IL1RAPL1: variants seen among roughly 807,000 people sequenced by gnomAD.
The protein encoded by IL1RAPL1 is interleukin-1 receptor accessory protein-like 1.
Under a neutral mutation model 48.4 loss-of-function variants are expected in IL1RAPL1, and 3 were observed. That is an observed-to-expected ratio of 0.06 (90% CI 0.03 to 0.16). The LOEUF (loss-of-function observed/expected upper bound fraction) is 0.16, where lower values mean the gene tolerates loss of function less well. Among genes scored for constraint, IL1RAPL1 ranks in the 10% least tolerant of loss-of-function variants. IL1RAPL1 has a pLI of 1.00. For missense variants in IL1RAPL1, 349 were observed against 530.6 expected, an observed-to-expected ratio of 0.66 and a Z score of 3.36; for synonymous variants, 185 against 187.7, an observed-to-expected ratio of 0.99 and a Z score of 0.12.
rs901831303 is a variant in IL1RAPL1 at position 28,739,795 on chromosome X, T to C, written c.-24-49525T>C. On this transcript the variant is annotated intron_variant, in intron 1 of 10. Coordinates refer to ENST00000378993, the MANE Select transcript of IL1RAPL1 (RefSeq NM_014271.4). ...ATCTCTCTTTCTAGTTTTCATCCAC[T>C]CTTCATCTCCTTTCCAAGGCTTTTA... Among the ~76,000 whole-genome samples the C allele has an allele frequency of 3.6e-5, 4 of 111,475 alleles. 1 individual carries two copies. Among genetic ancestry groups the C allele is most frequent in the African/African-American group, 1.3e-4 (4 of 30,751 alleles).
At chrX:29,893,350 C>T (rs778520330) in intron 6 of IL1RAPL1, among the ~76,000 whole-genome samples, 25 of 111,101 alleles carry the variant, frequency 2.3e-4, no homozygotes, top group Non-Finnish European at 3.4e-4. Flanking sequence ...TTCGAGCCAC[C>T]GCATTTATGT....
chrX:29,415,333 G>A (rs1309718267), intron 5 of IL1RAPL1, among the ~76,000 whole-genome samples: 1 of 111,624 alleles, frequency 9.0e-6, no homozygotes, highest in African/African-American at 3.3e-5. Flanking sequence ...ATATCTACAT[G>A]CACGTGAATG....
At chrX:28,973,261 A>T (rs945480768) in intron 2 of IL1RAPL1, among the ~76,000 whole-genome samples, 8 of 112,288 alleles carry the variant, frequency 7.1e-5, no homozygotes, top group African/African-American at 2.6e-4. Flanking sequence ...TGTCCCATCA[A>T]ACATGCTCAT....
chrX:29,911,741 T>C (rs1002077684), intron 6 of IL1RAPL1, among the ~76,000 whole-genome samples: 3 of 112,138 alleles, frequency 2.7e-5, no homozygotes, highest in Non-Finnish European at 3.8e-5. Flanking sequence ...ATGGCAGCTA[T>C]AGACACGACA....
At chrX:28,992,218 C>T (rs1012840033) in intron 2 of IL1RAPL1, among the ~76,000 whole-genome samples, 25 of 111,222 alleles carry the variant, frequency 2.2e-4, no homozygotes, top group African/African-American at 6.2e-4. Flanking sequence ...GGGCTGGGTG[C>T]GGTGGCTCAC....
rs761931750 is a variant in IL1RAPL1, at chrX:29,592,022, A to T, written c.704-76408A>T. Reference sequence around the variant, plus strand: ...CCCTAGAGGATCTGATGAACGGGTGAAAACCTAAAATGGGGAAACTCACAC... The same window carrying T: ...CCCTAGAGGATCTGATGAACGGGTGTAAACCTAAAATGGGGAAACTCACAC... On this transcript the variant is annotated intron_variant, in intron 5 of 10. Transcript: ENST00000378993. Among the ~76,000 whole-genome samples the T allele has an allele frequency of 3.6e-5, 4 of 111,704 alleles. No individual in the cohort carries two copies. The East Asian group carries it at 8.5e-4, about 24-fold the overall frequency.
At chrX:28,895,474 G>T in intron 2 of IL1RAPL1, among the ~76,000 whole-genome samples, 1 of 100,319 alleles carries the variant, frequency 1.0e-5, no homozygotes, top group Non-Finnish European at 2.0e-5. Flanking sequence ...AAGGTGGGGG[G>T]ATACGAGAGG....
At chrX:28,670,267 T>G (rs1402880185) in intron 1 of IL1RAPL1, among the ~76,000 whole-genome samples, 1 of 111,802 alleles carries the variant, frequency 8.9e-6, no homozygotes, top group Non-Finnish European at 1.9e-5. Context: ...CAATACATAC[T>G]TTTGCTGACT....
At chrX:29,641,042 G>A (rs1363865034) in intron 5 of IL1RAPL1, among the ~76,000 whole-genome samples, 3 of 111,537 alleles carry the variant, frequency 2.7e-5, no homozygotes, top group East Asian at 5.6e-4. Flanking sequence ...ATGGTGGTAC[G>A]CATCTGTAGT....
intron 2 of IL1RAPL1, among the ~76,000 whole-genome samples, chrX:29,020,113 G>A (rs1237492447): frequency 8.9e-6 from 1 of 112,564 alleles, no homozygotes; most frequent in Non-Finnish European, 1.9e-5. Flanking sequence ...ATTCTTGGCA[G>A]ATAATAGTTT....
At chrX:29,910,536 A>ATAAT (rs1423022877) in intron 6 of IL1RAPL1, among the ~76,000 whole-genome samples, 1 of 111,945 alleles carries the variant, frequency 8.9e-6, no homozygotes, top group Admixed American at 9.5e-5. Flanking sequence ...CAAGCCTACA[A>ATAAT]TAATTTATTT....
intron 2 of IL1RAPL1, among the ~76,000 whole-genome samples, chrX:29,131,072 T>C (rs1160584579): frequency 8.9e-6 from 1 of 111,974 alleles, no homozygotes; most frequent in African/African-American, 3.2e-5. Flanking sequence ...CATATTCAGC[T>C]GCTGCATGAT....
intron 2 of IL1RAPL1, among the ~76,000 whole-genome samples, chrX:29,234,310 C>T (rs1284937777): frequency 9.0e-6 from 1 of 111,540 alleles, no homozygotes; most frequent in Non-Finnish European, 1.9e-5. Context: ...AATAAATGTC[C>T]TCATTATCTT....
intron 2 of IL1RAPL1, chrX:28,942,579 A>G (rs1924190100): frequency 9.3e-6 from 1 of 107,393 alleles, no homozygotes; most frequent in African/African-American, 3.4e-5. Context: ...ATGTCTCAAT[A>G]AAAAAAGTTG....
At chrX:28,706,340 C>T (rs751406632) in intron 1 of IL1RAPL1, among the ~76,000 whole-genome samples, 3 of 111,887 alleles carry the variant, frequency 2.7e-5, no homozygotes, top group Non-Finnish European at 3.8e-5. Context: ...TGCATAAGTA[C>T]ATTCAATACT....
intron 2 of IL1RAPL1, among the ~76,000 whole-genome samples, chrX:29,220,987 C>T (rs1930962558): frequency 9.0e-6 from 1 of 111,124 alleles, no homozygotes; most frequent in Admixed American, 9.6e-5. Context: ...TCTTGGCTCC[C>T]TGGCTCAATG....
chrX:28,685,815 C>T (rs1935103864), intron 1 of IL1RAPL1, among the ~76,000 whole-genome samples: 1 of 111,896 alleles, frequency 8.9e-6, no homozygotes, highest in South Asian at 3.7e-4. Context: ...GATTACAAAG[C>T]AGGCTTTAGA....
At chrX:29,287,536 C>T (rs1251059948) in intron 3 of IL1RAPL1, among the ~76,000 whole-genome samples, 1 of 112,235 alleles carries the variant, frequency 8.9e-6, no homozygotes, top group East Asian at 2.8e-4. Context: ...CTGATGTTCC[C>T]ACCAGCAATG....
intron 2 of IL1RAPL1, among the ~76,000 whole-genome samples, chrX:28,958,408 G>A (rs1924674892): frequency 9.0e-6 from 1 of 111,395 alleles, no homozygotes; most frequent in South Asian, 3.8e-4. Flanking sequence ...TTTCCTATGG[G>A]TGTGATTGAA....
Sources: gnomAD v4.1 joint callset for allele counts (sites outside exome capture counted in the v4.1 genomes callset) on GRCh38, gnomAD v4.1.1 for gene constraint, MANE v1.5 for transcripts, NCBI Gene and HGNC (gene_info 2026-07-23, HGNC 2026-07-21) for gene names.